MAP2: variants seen among roughly 807,000 people sequenced by gnomAD.
MAP2 encodes the protein microtubule associated protein 2.
MAP2 carries 14 observed loss-of-function variants against 137.6 expected under a neutral mutation model. The observed-to-expected ratio is 0.10, with a 90% confidence interval of 0.07 to 0.16. The LOEUF (loss-of-function observed/expected upper bound fraction) is 0.16, where lower values mean the gene tolerates loss of function less well. Among genes scored for constraint, MAP2 ranks in the 10% least tolerant of loss-of-function variants. The pLI, the probability that MAP2 is intolerant of heterozygous loss-of-function variation, is 1.00. For synonymous variants in MAP2, 786 were observed against 782.3 expected (o/e 1.00, Z -0.08); for missense variants, 2,088 against 2,191.5 (o/e 0.95, Z 0.94).
chr2:209,723,625 A>G (rs148283620), intron 13 of MAP2: 61 of 1,613,790 alleles, frequency 3.8e-5, no homozygotes, highest in Non-Finnish European at 5.1e-5. Flanking sequence ...GATCGATTTT[A>G]GCAAAGTTCA....
chr2:209,508,266 A>G (rs1399993290), intron 2 of MAP2, among the ~76,000 whole-genome samples: 2 of 150,992 alleles, frequency 1.3e-5, no homozygotes, highest in African/African-American at 2.4e-5. Context: ...TTTTTTCAAC[A>G]TGTATTCAGA....
At chr2:209,648,762 C>A (rs1288054321) in intron 4 of MAP2, among the ~76,000 whole-genome samples, 1 of 144,322 alleles carries the variant, frequency 6.9e-6, no homozygotes, top group Non-Finnish European at 1.5e-5. Context: ...GCACTCTAGC[C>A]TGGGTGACGG....
At chr2:209,580,747 A>G (rs935137682) in intron 3 of MAP2, among the ~76,000 whole-genome samples, 2 of 152,198 alleles carry the variant, frequency 1.3e-5, no homozygotes, top group Non-Finnish European at 2.9e-5. Context: ...AATCCACTTG[A>G]TCCTGGGCCT....
intron 2 of MAP2, among the ~76,000 whole-genome samples, chr2:209,578,519 G>C (rs894977135): frequency 6.8e-6 from 1 of 147,370 alleles, no homozygotes; most frequent in Non-Finnish European, 1.5e-5. Context: ...TTGACTTTCT[G>C]TTTCCAGTAA....
intron 11 of MAP2, among the ~76,000 whole-genome samples, chr2:209,703,005 G>T (rs1215882752): frequency 6.6e-6 from 1 of 151,970 alleles, no homozygotes; most frequent in South Asian, 2.1e-4. Flanking sequence ...TGGCACGCTG[G>T]CATAGCTTTC....
intron 2 of MAP2, among the ~76,000 whole-genome samples, chr2:209,510,756 G>C (rs2061630490): frequency 1.3e-5 from 2 of 152,070 alleles, no homozygotes; most frequent in African/African-American, 4.8e-5. Flanking sequence ...TTTTTAGATA[G>C]AATGACGAGG....
chr2:209,562,775 CGG>C, intron 2 of MAP2, among the ~76,000 whole-genome samples: 2 of 152,014 alleles, frequency 1.3e-5, no homozygotes, highest in African/African-American at 4.8e-5. Context: ...AAAAGCCCAG[CGG>C]TGATTGCACA....
chr2:209,589,134 C>T (rs1559363186), intron 3 of MAP2, among the ~76,000 whole-genome samples: 1 of 151,922 alleles, frequency 6.6e-6, no homozygotes, highest in African/African-American at 2.4e-5. Flanking sequence ...AATAATGCAA[C>T]CAGTTAAGAA....
At position 209,695,121 on chromosome 2, in the gene MAP2, G is replaced by A. The variant is rs1299983560; in HGVS notation, c.2951G>A (p.Gly984Asp). The part of the protein sequence containing the change: ...KEHAKKTEEA[G>D]DEIETFGLGV... ...CATGCCAAGAAAACTGAAGAGGCTG[G>A]TGATGAAATAGAAACATTCGGATTA... The change falls in exon 8 of 16, where the codon GGT becomes GAT. Residue 984 changes from glycine to aspartate, a missense_variant. Coordinates refer to ENST00000682079, the MANE Select transcript of MAP2 (RefSeq NM_001375505.1). 1.2e-6 allele frequency: 2 copies of A among 1,614,168 alleles called. No homozygotes were observed. The highest frequency in any genetic ancestry group is 1.7e-6 in the Non-Finnish European group (2 of 1,180,022).
At chr2:209,451,016 T>G (rs1700184222) in intron 1 of MAP2, among the ~76,000 whole-genome samples, 2 of 152,178 alleles carry the variant, frequency 1.3e-5, no homozygotes, top group African/African-American at 2.4e-5. Context: ...GTTTTGTTCC[T>G]TATTTCTTCT....
chr2:209,438,933 A>G (rs1407052027), intron 1 of MAP2, among the ~76,000 whole-genome samples: 1 of 151,284 alleles, frequency 6.6e-6, no homozygotes, highest in South Asian at 2.1e-4. Context: ...ATAGAATAAA[A>G]TAGACCTCCT....
intron 5 of MAP2, 34 bp downstream of exon 5, chr2:209,653,466 C>T (rs753006653): frequency 1.9e-6 from 3 of 1,543,508 alleles, no homozygotes; most frequent in Non-Finnish European, 2.6e-6. Context: ...CAAGTGCTTG[C>T]TTTGTGCTTT....
At chr2:209,619,893 T>C (rs775213125) in intron 3 of MAP2, among the ~76,000 whole-genome samples, 2 of 152,138 alleles carry the variant, frequency 1.3e-5, no homozygotes, top group Admixed American at 6.6e-5. Flanking sequence ...AGCAACATGT[T>C]CAGTACAGTG....
chr2:209,686,551 A>C (rs937790565), intron 7 of MAP2, among the ~76,000 whole-genome samples: 12 of 152,200 alleles, frequency 7.9e-5, no homozygotes, highest in African/African-American at 2.9e-4. Context: ...TGATATCTCA[A>C]TATAAGTAAA....
At chr2:209,672,855 G>A (rs2049468249) in intron 5 of MAP2, among the ~76,000 whole-genome samples, 1 of 151,882 alleles carries the variant, frequency 6.6e-6, no homozygotes, top group Admixed American at 6.6e-5. Flanking sequence ...AAGTAGCCTA[G>A]CATGATACCG....
At position 209,696,295 on chromosome 2, in the gene MAP2, G is replaced by A; in HGVS notation, c.4125G>A (p.Glu1375=). The A allele has an allele frequency of 6.3e-7, 1 of 1,596,404 alleles. No homozygotes were observed. Among genetic ancestry groups the A allele is most frequent in the Non-Finnish European group, 8.5e-7 (1 of 1,174,412 alleles). The change falls in exon 8 of 16, where the codon GAG becomes GAA. Residue 1375 remains glutamate (E), a synonymous_variant. Transcript: ENST00000682079. The part of the protein sequence containing the change: ...KTETYDDYKD[E]TTIDDSIMDA... ...AAACCTATGACGATTACAAAGATGA[G>A]ACCACCATTGACGACTCCATCATGG...
intron 2 of MAP2, among the ~76,000 whole-genome samples, chr2:209,566,722 G>A (rs1287055932): frequency 6.6e-6 from 1 of 151,860 alleles, no homozygotes; most frequent in Non-Finnish European, 1.5e-5. Context: ...TTTTTTTGTT[G>A]TTGTTGTTGT....
At chr2:209,562,545 A>C (rs1244229528) in intron 2 of MAP2, among the ~76,000 whole-genome samples, 2 of 152,078 alleles carry the variant, frequency 1.3e-5, no homozygotes, top group Non-Finnish European at 2.9e-5. Flanking sequence ...AAAAATACAA[A>C]AATTAGCCAG....
intron 2 of MAP2, among the ~76,000 whole-genome samples, chr2:209,522,851 C>G (rs2063480050): frequency 6.6e-6 from 1 of 152,110 alleles, no homozygotes; most frequent in Admixed American, 6.6e-5. Flanking sequence ...AGCACTGAAT[C>G]AAAGAGATGT....
Sources: allele counts gnomAD v4.1 joint callset (sites outside exome capture counted in the v4.1 genomes callset), GRCh38; gene constraint gnomAD v4.1.1; transcripts MANE v1.5; gene names NCBI Gene and HGNC (gene_info 2026-07-23, HGNC 2026-07-21).